Variants in EDNRA observed in about 807,000 individuals in gnomAD.
The protein encoded by EDNRA is endothelin receptor type A, also known as endothelin-1 receptor.
In EDNRA, 11 loss-of-function variants were observed where a neutral mutation model predicts 41.4. The ratio of observed to expected loss-of-function variants is 0.27; its 90% CI spans 0.17 to 0.44. The LOEUF (loss-of-function observed/expected upper bound fraction) is 0.44, where lower values mean the gene tolerates loss of function less well. Among genes scored for constraint, EDNRA ranks in the 20% least tolerant of loss-of-function variants. EDNRA has a pLI of 1.00. For missense variants in EDNRA, 294 were observed against 531.0 expected (o/e 0.55, Z 4.39); for synonymous variants, 172 against 183.0 (o/e 0.94, Z 0.49).
At chr4:147,482,836 A>C (rs971619390) in intron 1 of EDNRA, among the ~76,000 whole-genome samples, 1 of 152,092 alleles carries the variant, frequency 6.6e-6, no homozygotes, top group African/African-American at 2.4e-5. Flanking sequence ...GCACCACAGG[A>C]CCTCTGATGA....
chr4:147,492,054 C>G (rs1729155987), intron 2 of EDNRA: 1 of 152,396 alleles, frequency 6.6e-6, no homozygotes, highest in Non-Finnish European at 1.5e-5. Flanking sequence ...CAGGCCTTCT[C>G]TGGCTTCTTC....
chr4:147,540,060 C>A, intron 6 of EDNRA, 110 bp downstream of exon 6: 1 of 1,434,044 alleles, frequency 7.0e-7, no homozygotes, highest in Non-Finnish European at 9.3e-7. Context: ...AAAATTAAAA[C>A]TGCAAAGTTG....
intron 2 of EDNRA, among the ~76,000 whole-genome samples, chr4:147,504,361 C>G (rs767600954): frequency 4.6e-5 from 7 of 152,160 alleles, no homozygotes; most frequent in African/African-American, 1.4e-4. Flanking sequence ...TTTGCAACAT[C>G]AGATATTGGC....
chr4:147,531,870 T>G (rs1045170120), intron 3 of EDNRA: 1 of 143,258 alleles, frequency 7.0e-6, no homozygotes, highest in East Asian at 2.1e-4. Flanking sequence ...ATTAGCCGGG[T>G]GTGGTGGCGG....
chr4:147,488,450 T>C (rs1201610206), intron 2 of EDNRA: 2 of 152,264 alleles, frequency 1.3e-5, no homozygotes, highest in Non-Finnish European at 2.9e-5. Context: ...ATACTTTGTA[T>C]ACCTTACTGT....
chr4:147,505,326 C>CTTTTTTTTTTTTCTTT (rs1729660192), intron 2 of EDNRA, among the ~76,000 whole-genome samples: 1 of 82,030 alleles, frequency 1.2e-5, no homozygotes, highest in African/African-American at 5.4e-5. Context: ...TTTCTTTTTT[C>CTTTTTTTTTTTTCTTT]ATTTTTTTTT....
At chr4:147,483,783 G>A (rs1025938449) in intron 1 of EDNRA, among the ~76,000 whole-genome samples, 12 of 149,810 alleles carry the variant, frequency 8.0e-5, no homozygotes, top group African/African-American at 2.7e-4. Flanking sequence ...GCAGTGACTC[G>A]ATCATAGCTC....
At chr4:147,507,867 G>A (rs1240183584) in intron 2 of EDNRA, among the ~76,000 whole-genome samples, 1 of 152,110 alleles carries the variant, frequency 6.6e-6, no homozygotes, top group Non-Finnish European at 1.5e-5. Flanking sequence ...GTGGTATCCC[G>A]TGGTGGTTTT....
chr4:147,530,847 A>C (rs1396590097), intron 3 of EDNRA, among the ~76,000 whole-genome samples: 1 of 152,200 alleles, frequency 6.6e-6, no homozygotes, highest in African/African-American at 2.4e-5. Context: ...ATGTCCTGCA[A>C]ACCCATGAGC....
At chr4:147,493,358 C>A (rs1729201333) in intron 2 of EDNRA, 1 of 147,976 alleles carries the variant, frequency 6.8e-6, no homozygotes, top group Non-Finnish European at 1.5e-5. Flanking sequence ...TGAAGTATTT[C>A]TATAGGGTAG....
intron 3 of EDNRA, among the ~76,000 whole-genome samples, chr4:147,527,945 T>C (rs1730611109): frequency 6.6e-6 from 1 of 152,184 alleles, no homozygotes; most frequent in South Asian, 2.1e-4. Context: ...GATCAGCCCA[T>C]AGATCCCTCC....
At chr4:147,510,544 G>A (rs528320696) in intron 2 of EDNRA, among the ~76,000 whole-genome samples, 7 of 152,146 alleles carry the variant, frequency 4.6e-5, no homozygotes, top group African/African-American at 7.2e-5. Context: ...TAACAGACCC[G>A]TGGTTGGAAG....
chr4:147,505,928 G>GT (rs1412031724), intron 2 of EDNRA, among the ~76,000 whole-genome samples: 3 of 152,106 alleles, frequency 2.0e-5, no homozygotes, highest in African/African-American at 7.2e-5. Context: ...GATTACAGGC[G>GT]TGAGTGACCG....
At chr4:147,506,172 G>GGAA (rs1439532019) in intron 2 of EDNRA, 1 of 527,590 alleles carries the variant, frequency 1.9e-6, no homozygotes, top group Non-Finnish European at 3.8e-6. Context: ...CAAGACTCAA[G>GGAA]GAAGGACTGA....
chr4:147,499,048 ATTCTTT>A (rs1318028437), intron 2 of EDNRA, among the ~76,000 whole-genome samples: 2 of 152,166 alleles, frequency 1.3e-5, no homozygotes, highest in Admixed American at 6.5e-5. Flanking sequence ...CTCCCAAGTC[ATTCTTT>A]TTCTTTTTCT....
rs1247813997 is a variant in EDNRA at position 147,519,634 on chromosome 4, T to C, written c.421-217T>C. Among the ~76,000 whole-genome samples the C allele has an allele frequency of 6.6e-6, 1 of 151,312 alleles. No individual in the cohort carries two copies. The highest frequency in any genetic ancestry group is 2.4e-5 in the African/African-American group (1 of 41,280). Reference sequence around the variant, plus strand: ...TATTCATGTTACTACATATTAATAATAATAAATTATATCTGTATATCTTTC... The same window carrying C: ...TATTCATGTTACTACATATTAATAACAATAAATTATATCTGTATATCTTTC... On this transcript the variant is annotated intron_variant, in intron 2 of 7. Transcript: ENST00000651419. The surrounding 1 kb of genome is among the most constrained non-coding windows in gnomAD (Gnocchi z 4.1).
intron 2 of EDNRA, among the ~76,000 whole-genome samples, chr4:147,497,149 CTTTTTTTT>C (rs11330586): frequency 3.0e-3 from 224 of 75,058 alleles, no homozygotes; most frequent in African/African-American, 8.6e-3. Flanking sequence ...TAGAATTCTT[CTTTTTTTT>C]TTTTTTTTTT....
chr4:147,506,069 TG>T, intron 2 of EDNRA: 1 of 503,248 alleles, frequency 2.0e-6, no homozygotes, highest in South Asian at 1.5e-5. Flanking sequence ...GCTCTTTCCC[TG>T]GGTTCCCAGT....
intron 2 of EDNRA, among the ~76,000 whole-genome samples, chr4:147,508,982 G>A (rs1195483730): frequency 6.6e-6 from 1 of 152,036 alleles, no homozygotes; most frequent in East Asian, 1.9e-4. Flanking sequence ...TAGTTTCCTT[G>A]GATTTGGATA....
Sources: allele counts gnomAD v4.1 joint callset (sites outside exome capture counted in the v4.1 genomes callset), GRCh38; gene constraint gnomAD v4.1.1; non-coding constraint Gnocchi (gnomAD v3.1); transcripts MANE v1.5; gene names NCBI Gene and HGNC (gene_info 2026-07-23, HGNC 2026-07-21).